Variants in DCHS2 observed in about 807,000 individuals in gnomAD.
DCHS2 encodes protocadherin-23.
DCHS2 carries 142 observed loss-of-function variants against 182.4 expected under a neutral mutation model. The ratio of observed to expected loss-of-function variants is 0.78; its 90% confidence interval spans 0.68 to 0.89. The LOEUF is 0.89. Ranked by LOEUF, DCHS2 falls within the 40% of genes least tolerant of loss-of-function variation. DCHS2 has a pLI of 0.00. For missense variants in DCHS2, 4,319 were observed against 4,198.6 expected (o/e 1.03, Z -0.79); for synonymous variants, 1,740 against 1,663.3 (o/e 1.05, Z -1.12).
Position 154,235,841 on chromosome 4 carries a change from CAAAT to C in DCHS2, c.8807_8810del (p.Tyr2936Ter). On this transcript the variant is annotated frameshift_variant, in exon 20 of 20. Transcript: ENST00000357232. LOFTEE classifies it low-confidence loss of function (END_TRUNC). ...TTTTTATTAGGGGAAGGGCTCTAAT[CAAAT>C]AAATATTTCCATTGGTTTTATTTAC... 1 of 1,613,950 alleles carries C rather than the reference CAAAT, an allele frequency of 6.2e-7. No individual in the cohort carries two copies. The highest frequency in any genetic ancestry group is 8.5e-7 in the Non-Finnish European group (1 of 1,179,934).
At chr4:154,271,389 C>A (rs1578890727) in intron 13 of DCHS2, among the ~76,000 whole-genome samples, 1 of 152,118 alleles carries the variant, frequency 6.6e-6, no homozygotes, top group African/African-American at 2.4e-5. Flanking sequence ...AATGCATAAC[C>A]AAGGGAGTGT....
intron 14 of DCHS2, chr4:154,261,698 A>C (rs1052379698): frequency 6.6e-6 from 1 of 152,110 alleles, no homozygotes; most frequent in Admixed American, 6.5e-5. Context: ...AAAAAACAAT[A>C]TATATTAACT....
chr4:154,256,794 C>T (rs1413379155), intron 15 of DCHS2, among the ~76,000 whole-genome samples: 1 of 152,110 alleles, frequency 6.6e-6, no homozygotes, highest in East Asian at 1.9e-4. Context: ...CCTACCATCT[C>T]AATTTATCCT....
chr4:154,236,159 T>G lies in DCHS2; in HGVS notation c.8493A>C (p.Thr2831=). ...DHDLFLIDPL[T]GDIHAKQILD... The stretch of plus-strand genomic sequence containing the variant: ...GGATTTGCTTAGCATGAATATCCCC[T>G]GTCAAAGGGTCAATGAGGAAGAGAT... Residue 2831 remains threonine (T), a synonymous_variant, in exon 20 of 20, where the codon ACA becomes ACC. Transcript: ENST00000357232. 6.2e-7 allele frequency: 1 copy of G among 1,613,794 alleles called. No individual in the cohort carries two copies. The highest frequency in any genetic ancestry group is 8.5e-7 in the Non-Finnish European group (1 of 1,179,930).
chr4:154,345,119 G>C (rs1217637409), intron 3 of DCHS2, among the ~76,000 whole-genome samples: 4 of 152,186 alleles, frequency 2.6e-5, no homozygotes, highest in Admixed American at 2.6e-4. Flanking sequence ...GTGTCTTGGG[G>C]CATCAGTCCC....
intron 13 of DCHS2, among the ~76,000 whole-genome samples, chr4:154,276,071 G>A (rs1237239757): frequency 6.6e-6 from 1 of 151,934 alleles, no homozygotes; most frequent in East Asian, 1.9e-4. Context: ...ATAACTTAAG[G>A]GACTTGAATC....
chr4:154,295,445 C>T (rs745669270), intron 13 of DCHS2, among the ~76,000 whole-genome samples: 9 of 152,290 alleles, frequency 5.9e-5, no homozygotes, highest in Non-Finnish European at 1.5e-5. Context: ...TATGTGGAAA[C>T]ATTCATACAT....
At position 154,322,458 on chromosome 4, in the gene DCHS2, G is replaced by A; in HGVS notation, c.4049C>T (p.Ala1350Val). The change falls in exon 8 of 20, where the codon GCC (alanine) becomes GTC (valine). Residue 1350 changes from alanine (A) to valine (V), a missense_variant. Coordinates refer to ENST00000357232, the MANE Select transcript of DCHS2 (RefSeq NM_001358235.2). ...GGTTGTTCTTATTTCACCATTGTTG[G>A]CGTCAATCTTAAAGTGATCAGAACT... ...EDSSDHFKID[A>V]NNGEIRTTTI... 2 of 1,613,270 alleles carry A rather than the reference G, an allele frequency of 1.2e-6. No homozygotes were observed. Among genetic ancestry groups the A allele is most frequent in the Non-Finnish European group, 1.7e-6 (2 of 1,179,616 alleles).
intron 1 of DCHS2, among the ~76,000 whole-genome samples, chr4:154,454,600 C>T (rs1270731861): frequency 6.6e-6 from 1 of 152,100 alleles, no homozygotes; most frequent in Non-Finnish European, 1.5e-5. Context: ...TACAACCAGG[C>T]AAAACTGCAA....
chr4:154,479,923 A>G (rs1735854415), intron 1 of DCHS2, among the ~76,000 whole-genome samples: 1 of 152,214 alleles, frequency 6.6e-6, no homozygotes, highest in South Asian at 2.1e-4. Context: ...TTGTAAGATG[A>G]GTCCAGGAAA....
chr4:154,367,391 T>A (rs958108244), intron 2 of DCHS2, among the ~76,000 whole-genome samples: 1 of 152,124 alleles, frequency 6.6e-6, no homozygotes, highest in Non-Finnish European at 1.5e-5. Flanking sequence ...CAGGTACTCA[T>A]CCCAGATCCT....
At chr4:154,417,592 G>A (rs1732925395) in intron 1 of DCHS2, among the ~76,000 whole-genome samples, 1 of 152,094 alleles carries the variant, frequency 6.6e-6, no homozygotes, top group Admixed American at 6.5e-5. Context: ...CACTATTTGG[G>A]ACATGATTAT....
chr4:154,235,543 C>T lies in DCHS2; in HGVS notation c.9109G>A (p.Asp3037Asn), dbSNP rs776917422. Residue 3037 changes from aspartate to asparagine, a missense_variant, in exon 20 of 20, where the codon GAT becomes AAT. Coordinates refer to ENST00000357232, the MANE Select transcript of DCHS2 (RefSeq NM_001358235.2). ...TCCCGGGTCACTCTCAAGTCCGCAT[C>T]TAAAGATGAGGTTTTCTTCTCCTCA... The part of the protein sequence containing the change: ...NYEEKKTSSL[D>N]ADLRVTRDAS... 1.9e-6 allele frequency: 3 copies of T among 1,613,966 alleles called. No homozygotes were observed. In the African/African-American group the frequency reaches 4.0e-5, roughly 22 times the overall value.
At chr4:154,483,365 G>C (rs571477456) in intron 1 of DCHS2, among the ~76,000 whole-genome samples, 59 of 152,332 alleles carry the variant, frequency 3.9e-4, no homozygotes, top group African/African-American at 1.3e-3. Flanking sequence ...CAGAGAGTGA[G>C]ATGAGACATA....
intron 1 of DCHS2, among the ~76,000 whole-genome samples, chr4:154,427,387 C>A (rs1733374976): frequency 6.6e-6 from 1 of 152,200 alleles, no homozygotes; most frequent in African/African-American, 2.4e-5. Flanking sequence ...CGAGCTCTGA[C>A]CAATCTAACA....
chr4:154,372,287 G>C (rs1303173714), intron 2 of DCHS2, among the ~76,000 whole-genome samples: 1 of 152,152 alleles, frequency 6.6e-6, no homozygotes, highest in Non-Finnish European at 1.5e-5. Flanking sequence ...ACATTTGTTA[G>C]AAAGTTAAAG....
At position 154,442,587 on chromosome 4, in the gene DCHS2, T is replaced by C. The variant is rs183996414; in HGVS notation, c.2052+46717A>G. ...CCAGGACATTGCTTACGTTGACACC[T>C]TCTTGTGTAGCAGCTGTTATTTTTC... On this transcript the variant is annotated intron_variant, in intron 1 of 19. Transcript: ENST00000357232. Among the ~76,000 whole-genome samples the C allele has an allele frequency of 3.2e-4, 41 of 126,508 alleles. No homozygotes were observed. In the East Asian group the frequency reaches 9.3e-3, roughly 29 times the overall value. The allele number at this position is 126,508 out of a possible 152,430, so 83.0% of individuals were successfully genotyped here. A position where few individuals can be genotyped will look rare whatever the true frequency, so the allele number is the denominator to read the frequency against.
chr4:154,443,484 T>C (rs768976920), intron 1 of DCHS2, among the ~76,000 whole-genome samples: 13 of 152,152 alleles, frequency 8.5e-5, no homozygotes, highest in Non-Finnish European at 1.8e-4. Context: ...TTCTCTTATT[T>C]CCCTGAGAAC....
At chr4:154,317,591 T>C (rs1485839606) in intron 9 of DCHS2, among the ~76,000 whole-genome samples, 12 of 152,222 alleles carry the variant, frequency 7.9e-5, no homozygotes, top group Non-Finnish European at 4.4e-5. Context: ...GGTGTATATC[T>C]GAGATTTTTT....
Sources: allele counts gnomAD v4.1 joint callset (sites outside exome capture counted in the v4.1 genomes callset), GRCh38; gene constraint gnomAD v4.1.1; transcripts MANE v1.5; gene names NCBI Gene and HGNC (gene_info 2026-07-23, HGNC 2026-07-21).